The following TCOF1 variants were observed in gnomAD, a reference collection of about 807,000 sequenced individuals.
TCOF1 encodes treacle protein.
In TCOF1, 33 loss-of-function variants were observed where a neutral mutation model predicts 149.0. The ratio of observed to expected loss-of-function variants is 0.22; its 90% CI spans 0.17 to 0.30. The LOEUF is 0.30. TCOF1 is among the 10% of genes least tolerant of loss of function. The probability of loss-of-function intolerance (pLI) is 1.00; values close to 1 mark genes in which losing one functional copy is unlikely to be tolerated. For missense variants in TCOF1, 1,728 were observed against 1,840.7 expected, an observed-to-expected ratio of 0.94 and a Z score of 1.12; for synonymous variants, 789 against 738.8, an observed-to-expected ratio of 1.07 and a Z score of -1.10.
At chr5:150,399,109 G>T in intron 26 of TCOF1, 39 bp downstream of exon 26, 1 of 1,613,432 alleles carries the variant, frequency 6.2e-7, no homozygotes, top group Non-Finnish European at 8.5e-7. Context: ...CAGGGTGGGA[G>T]GACAGCTCTG....
chr5:150,398,374 AAAG>A lies in TCOF1; in HGVS notation c.4369_4371del (p.Glu1457del). The A allele has an allele frequency of 6.2e-7, 1 of 1,613,752 alleles. No homozygotes were observed. The highest frequency in any genetic ancestry group is 8.5e-7 in the Non-Finnish European group (1 of 1,179,946). On this transcript the variant is annotated inframe_deletion, in exon 25 of 27. Coordinates refer to ENST00000643257, the MANE Select transcript of TCOF1 (RefSeq NM_001371623.1). ...CTTAGGAAAAAAAGACAAAGAAAAA[AAAG>A]AAAAGAAGAAGAAAGCAAAAAAGGC...
At chr5:150,399,585 T>C (rs1177022956) in intron 26 of TCOF1, among the ~76,000 whole-genome samples, 2 of 152,092 alleles carry the variant, frequency 1.3e-5, no homozygotes, top group Non-Finnish European at 2.9e-5. Context: ...CAGCCTCCTG[T>C]AAATGGGGGT....
chr5:150,382,919 G>A (rs532265692), intron 17 of TCOF1: 14 of 634,586 alleles, frequency 2.2e-5, no homozygotes, highest in Non-Finnish European at 2.7e-5. Flanking sequence ...AGGCCAGCAG[G>A]TATCCCTGTG....
chr5:150,373,146 A>G (rs1336807644), intron 7 of TCOF1, among the ~76,000 whole-genome samples: 1 of 152,022 alleles, frequency 6.6e-6, no homozygotes, highest in African/African-American at 2.4e-5. Flanking sequence ...AGTAGCGGCA[A>G]TCATAGCTCA....
intron 1 of TCOF1, among the ~76,000 whole-genome samples, chr5:150,360,186 T>C (rs762309628): frequency 3.3e-5 from 5 of 152,204 alleles, no homozygotes; most frequent in African/African-American, 7.2e-5. Context: ...GTTGTCCCCA[T>C]GTTAAGAAGA....
Position 150,388,096 on chromosome 5 carries a change from C to T in TCOF1, c.3046+8C>T, listed in dbSNP as rs1766648880. ...CACAGTGCTTGACTCCTGGTGAGCG[C>T]AGCCCTTATGCAGTGGTGGGAGGGG... On this transcript the variant is annotated splice_region_variant and intron_variant, in intron 18 of 26. Coordinates refer to ENST00000643257, the MANE Select transcript of TCOF1 (RefSeq NM_001371623.1). 1 of 1,613,002 alleles carries T rather than the reference C, an allele frequency of 6.2e-7. No homozygotes were observed. The highest frequency in any genetic ancestry group is 1.1e-5 in the South Asian group (1 of 91,042).
Position 150,378,934 on chromosome 5 carries a change from C to T in TCOF1, c.2370C>T (p.Ala790=). The T allele has an allele frequency of 1.2e-6, 2 of 1,614,092 alleles. No homozygotes were observed. The highest frequency in any genetic ancestry group is 8.5e-7 in the Non-Finnish European group (1 of 1,180,024). ...AAACCTCAGTAAAGAAAACCCAGGC[C>T]AAAGCCAACCCAGCTGCCGCCAGAG... ...QVKTSVKKTQ[A]KANPAAARAP... The change falls in exon 15 of 27, where the codon GCC becomes GCT. Residue 790 remains alanine (A), a synonymous_variant. Coordinates refer to ENST00000643257, the MANE Select transcript of TCOF1 (RefSeq NM_001371623.1).
chr5:150,362,522 A>C (rs892442252), intron 2 of TCOF1, among the ~76,000 whole-genome samples: 9 of 152,142 alleles, frequency 5.9e-5, no homozygotes, highest in Non-Finnish European at 1.3e-4. Context: ...CCCCAAATGT[A>C]CCTGCTTCAG....
Position 150,368,787 on chromosome 5 carries a change from C to G in TCOF1, c.450C>G (p.Asn150Lys), listed in dbSNP as rs765253484. 6.2e-7 allele frequency: 1 copy of G among 1,614,102 alleles called. No individual in the cohort carries two copies. The highest frequency in any genetic ancestry group is 8.5e-7 in the Non-Finnish European group (1 of 1,180,034). Residue 150 changes from asparagine to lysine, a missense_variant, in exon 5 of 27, where the codon AAC becomes AAG. Transcript: ENST00000643257. ...PHPATGKTVA[N>K]LLSGKSPRKS... is the part of the protein sequence containing the mutation. ...CTGCCACTGGGAAGACGGTGGCCAA[C>G]CTTCTTTCTGGGAAGTCTCCCAGGA...
chr5:150,378,232 A>G (rs1305124888), intron 14 of TCOF1, among the ~76,000 whole-genome samples: 2 of 152,240 alleles, frequency 1.3e-5, no homozygotes, highest in Non-Finnish European at 2.9e-5. Context: ...AGATGCTGCC[A>G]GAGTCCTCAT....
At chr5:150,392,310 C>T in intron 21 of TCOF1, 134 bp downstream of exon 21, 2 of 860,374 alleles carry the variant, frequency 2.3e-6, no homozygotes, top group Non-Finnish European at 3.5e-6. Context: ...GCCTCAGTTT[C>T]CCCACCTGTA....
intron 17 of TCOF1, among the ~76,000 whole-genome samples, chr5:150,386,647 T>C (rs553399460): frequency 2.6e-5 from 4 of 152,284 alleles, no homozygotes; most frequent in East Asian, 3.9e-4. Flanking sequence ...ACTCCTCTCT[T>C]AGCCTCAGGC....
At chr5:150,371,924 C>T (rs1762616361) in intron 6 of TCOF1, 82 bp from the exon 7 acceptor site, 1 of 1,252,078 alleles carries the variant, frequency 8.0e-7, no homozygotes, top group African/African-American at 1.5e-5. Flanking sequence ...AGAGCTTTAT[C>T]AACTGCTGAA....
chr5:150,384,297 C>T (rs1270896264), intron 17 of TCOF1: 1 of 988,984 alleles, frequency 1.0e-6, no homozygotes, highest in Non-Finnish European at 1.2e-6. Context: ...TTAATCTCCA[C>T]AACAGCCCTA....
At chr5:150,393,337 G>C (rs775729667) in intron 22 of TCOF1, 35 bp from the exon 23 acceptor site, 9 of 1,613,352 alleles carry the variant, frequency 5.6e-6, no homozygotes, top group Non-Finnish European at 6.8e-6. Flanking sequence ...GTGGGGTGGG[G>C]TGGTGGCAGC....
intron 3 of TCOF1, among the ~76,000 whole-genome samples, chr5:150,367,169 G>A (rs995235923): frequency 6.6e-6 from 1 of 152,048 alleles, no homozygotes; most frequent in Non-Finnish European, 1.5e-5. Flanking sequence ...GCCAGGCATG[G>A]TGGTGGACGT....
At chr5:150,392,629 C>T (rs1044642083) in intron 21 of TCOF1, 76 bp from the exon 22 acceptor site, 1 of 1,465,772 alleles carries the variant, frequency 6.8e-7, no homozygotes, top group Non-Finnish European at 9.5e-7. Context: ...GAGACCAGGG[C>T]CTTCCTGAAG....
rs373377564 is a variant in TCOF1, at chr5:150,393,581, G to A, written c.3784+29G>A. 5.0e-6 allele frequency: 8 copies of A among 1,613,876 alleles called. No individual in the cohort carries two copies. In the African/African-American group the frequency reaches 1.1e-4, roughly 22 times the overall value. ...AGTTAAGGTCTGCAGGAGGGACATAGCAGGACACAGAGGGACAGGGCAGTG... is the reference window on the plus strand; with the variant it reads ...AGTTAAGGTCTGCAGGAGGGACATAACAGGACACAGAGGGACAGGGCAGTG... On this transcript the variant is annotated intron_variant, in intron 23 of 26. Transcript: ENST00000643257.
In TCOF1 at chr5:150,364,243, G is replaced by C; in HGVS notation, c.295G>C (p.Ala99Pro). The C allele has an allele frequency of 6.2e-7, 1 of 1,614,046 alleles. No homozygotes were observed. Among genetic ancestry groups the C allele is most frequent in the Non-Finnish European group, 8.5e-7 (1 of 1,179,962 alleles). The change falls in exon 3 of 27, where the codon GCC becomes CCC. Residue 99 changes from alanine (A) to proline (P), a missense_variant. Around this residue, in one of 2 missense-constraint regions of TCOF1, gnomAD observed 1,696 missense variants for 1,765.4 expected, o/e 0.96. Transcript: ENST00000643257. ...GGAGGAAGAAGCAGAAGCCGAAACC[G>C]CCAAAGCCAGTAAGAGCCTTGCAGC... ...EEEEEAEAETAKATPRLASTN... is the reference protein window; with the variant it reads ...EEEEEAEAETPKATPRLASTN...
Sources: gnomAD v4.1 joint callset for allele counts (sites outside exome capture counted in the v4.1 genomes callset) on GRCh38, gnomAD v4.1.1 for gene constraint, gnomAD v4.1.1 regional missense constraint, MANE v1.5 for transcripts, NCBI Gene and HGNC (gene_info 2026-07-23, HGNC 2026-07-21) for gene names.